LARGE1: variants seen among roughly 807,000 people sequenced by gnomAD.
LARGE1 encodes LARGE xylosyl- and glucuronyltransferase 1.
LARGE1 carries 43 observed loss-of-function variants against 87.6 expected under a neutral mutation model. That is an observed-to-expected ratio of 0.49 (90% CI 0.38 to 0.63). LARGE1 has a LOEUF of 0.63. LARGE1 is among the 30% of genes least tolerant of loss of function. The probability of loss-of-function intolerance (pLI) is 0.00; values close to 1 mark genes in which losing one functional copy is unlikely to be tolerated. For missense variants in LARGE1, 802 were observed against 1,000.2 expected (o/e 0.80, Z 2.67); for synonymous variants, 434 against 394.6 (o/e 1.10, Z -1.18).
chr22:33,700,413 ATGCG>A (rs2082371378), intron 2 of LARGE1, among the ~76,000 whole-genome samples: 1 of 152,234 alleles, frequency 6.6e-6, no homozygotes, highest in Non-Finnish European at 1.5e-5. Context: ...ACCAGGCACT[ATGCG>A]GAAGGCTGAA....
chr22:33,602,692 G>A (rs1275842410), intron 5 of LARGE1, among the ~76,000 whole-genome samples: 2 of 151,988 alleles, frequency 1.3e-5, no homozygotes, highest in African/African-American at 4.8e-5. Flanking sequence ...AAATTTTTTT[G>A]TAGAGGTGGG....
At chr22:33,363,560 G>A (rs2064465136) in intron 9 of LARGE1, among the ~76,000 whole-genome samples, 1 of 149,468 alleles carries the variant, frequency 6.7e-6, no homozygotes, top group Non-Finnish European at 1.5e-5. Context: ...GATTATGGGG[G>A]CTACAATTCA....
chr22:33,369,328 C>T (rs781686154), intron 9 of LARGE1, among the ~76,000 whole-genome samples: 1 of 152,178 alleles, frequency 6.6e-6, no homozygotes, highest in Admixed American at 6.5e-5. Context: ...ATGGGATTCT[C>T]CCACATGAAG....
chr22:33,220,608 T>G (rs1307270188), intron 11 of LARGE1, among the ~76,000 whole-genome samples: 1 of 152,234 alleles, frequency 6.6e-6, no homozygotes, highest in Non-Finnish European at 1.5e-5. Flanking sequence ...TGACCCTGTT[T>G]CTTCTCTCCT....
At chr22:33,245,001 C>T (rs1926691585) in intron 11 of LARGE1, among the ~76,000 whole-genome samples, 1 of 152,176 alleles carries the variant, frequency 6.6e-6, no homozygotes, top group South Asian at 2.1e-4. Context: ...TATTTCTCAA[C>T]ATAAGCTCCA....
At chr22:33,600,358 A>C (rs886116866) in intron 5 of LARGE1, among the ~76,000 whole-genome samples, 1 of 152,156 alleles carries the variant, frequency 6.6e-6, no homozygotes, top group African/African-American at 2.4e-5. Flanking sequence ...GTGGTGAAAA[A>C]CAGACGTGAT....
chr22:33,765,220 G>C (rs1285653104), intron 1 of LARGE1, among the ~76,000 whole-genome samples: 1 of 152,064 alleles, frequency 6.6e-6, no homozygotes, highest in African/African-American at 2.4e-5. Flanking sequence ...CTAGTAAGAG[G>C]CAAAAACACC....
intron 9 of LARGE1, among the ~76,000 whole-genome samples, chr22:33,357,310 T>C (rs1016966750): frequency 1.3e-5 from 2 of 149,714 alleles, no homozygotes; most frequent in African/African-American, 2.5e-5. Flanking sequence ...TGAGGGCACA[T>C]GGACAAAGAG....
rs548755014 is a variant in LARGE1, at chr22:33,621,296, G to C, written c.491+4948C>G. On this transcript the variant is annotated intron_variant, in intron 4 of 14. Coordinates refer to ENST00000397394, the MANE Select transcript of LARGE1 (RefSeq NM_133642.5). ...TTTTTAAGGGAGAGTCCCTACGGTG[G>C]TCATACTGGGTCAAGGTCTTCCCAC... 2.6e-5 allele frequency among the ~76,000 whole-genome samples: 4 copies of C among 152,264 alleles called. No individual in the cohort carries two copies. In the South Asian group the frequency reaches 8.3e-4, roughly 32 times the overall value.
chr22:33,454,633 A>G (rs1440159094), intron 6 of LARGE1, among the ~76,000 whole-genome samples: 10 of 150,672 alleles, frequency 6.6e-5, no homozygotes, highest in South Asian at 4.2e-4. Context: ...AAAAAAAAAA[A>G]AAGAAGAAGA....
chr22:33,664,532 C>T (rs893898521), intron 2 of LARGE1, among the ~76,000 whole-genome samples: 12 of 152,236 alleles, frequency 7.9e-5, no homozygotes, highest in African/African-American at 2.9e-4. Context: ...CACTCTGCCT[C>T]ACTCATTCTA....
chr22:33,210,821 C>T (rs1187330755), intron 11 of LARGE1, among the ~76,000 whole-genome samples: 2 of 152,266 alleles, frequency 1.3e-5, no homozygotes, highest in African/African-American at 2.4e-5. Context: ...CTGGGCCTCA[C>T]ACCACGGATG....
At chr22:33,520,438 C>T (rs1367207655) in intron 6 of LARGE1, among the ~76,000 whole-genome samples, 2 of 152,144 alleles carry the variant, frequency 1.3e-5, no homozygotes, top group South Asian at 2.1e-4. Context: ...CCAAATCCCA[C>T]AATCCCGCAG....
intron 1 of LARGE1, among the ~76,000 whole-genome samples, chr22:33,806,003 A>G (rs896476534): frequency 1.4e-4 from 21 of 152,194 alleles, no homozygotes; most frequent in Admixed American, 9.8e-4. Flanking sequence ...TAGTGCATTC[A>G]CAATGCTGTG....
At chr22:33,535,154 T>A (rs1387707407) in intron 6 of LARGE1, among the ~76,000 whole-genome samples, 1 of 152,188 alleles carries the variant, frequency 6.6e-6, no homozygotes. Context: ...CTTCTGTTCA[T>A]CTCCTTGGTT....
intron 5 of LARGE1, among the ~76,000 whole-genome samples, chr22:33,591,181 A>T (rs1163451785): frequency 6.6e-6 from 1 of 152,224 alleles, no homozygotes; most frequent in East Asian, 1.9e-4. Context: ...AGCCTGGGCA[A>T]AGAGTGAGAC....
chr22:33,287,242 T>C (rs1184855602), intron 12 of LARGE1, among the ~76,000 whole-genome samples: 2 of 152,228 alleles, frequency 1.3e-5, no homozygotes, highest in Non-Finnish European at 2.9e-5. Context: ...CTGGTATTAG[T>C]TTCTGTTGCC....
chr22:33,850,608 A>T (rs1037285492), intron 1 of LARGE1, among the ~76,000 whole-genome samples: 2 of 152,228 alleles, frequency 1.3e-5, no homozygotes. Context: ...TATTATCAAG[A>T]TCTGAAATTC....
chr22:33,494,141 T>G (rs1476953998), intron 6 of LARGE1, among the ~76,000 whole-genome samples: 1 of 152,222 alleles, frequency 6.6e-6, no homozygotes, highest in African/African-American at 2.4e-5. Context: ...GCTCAACAGC[T>G]GTATAAAGCT....
Sources: allele counts gnomAD v4.1 joint callset (sites outside exome capture counted in the v4.1 genomes callset), GRCh38; gene constraint gnomAD v4.1.1; transcripts MANE v1.5; gene names NCBI Gene and HGNC (gene_info 2026-07-23, HGNC 2026-07-21).